Variants in CHRNA7 observed in about 807,000 individuals in gnomAD.
CHRNA7 encodes neuronal acetylcholine receptor subunit alpha-7.
In CHRNA7, 17 loss-of-function variants were observed where a neutral mutation model predicts 48.0. That is an observed-to-expected ratio of 0.35 (90% CI 0.24 to 0.53). The LOEUF (loss-of-function observed/expected upper bound fraction) is 0.53, where lower values mean the gene tolerates loss of function less well. Among genes scored for constraint, CHRNA7 ranks in the 20% least tolerant of loss-of-function variants. The pLI is 0.92. For missense variants in CHRNA7, 155 were observed against 577.7 expected (o/e 0.27, Z 7.50); for synonymous variants, 75 against 242.3 (o/e 0.31, Z 6.41).
chr15:32,124,246 C>G (rs113816219), intron 4 of CHRNA7, among the ~76,000 whole-genome samples: 73 of 152,180 alleles, frequency 4.8e-4, no homozygotes, highest in African/African-American at 1.8e-3. Context: ...TAGCATTGTT[C>G]TTATTTCACA....
intron 1 of CHRNA7, 84 bp downstream of exon 1, chr15:32,030,733 C>T: frequency 9.1e-6 from 14 of 1,530,580 alleles, no homozygotes; most frequent in Non-Finnish European, 1.1e-5. Context: ...CGCGCCTGGG[C>T]CAGGTTTGGG....
At chr15:32,150,609 G>A (rs770220682) in intron 4 of CHRNA7, among the ~76,000 whole-genome samples, 11 of 152,088 alleles carry the variant, frequency 7.2e-5, no homozygotes, top group East Asian at 1.9e-4. Flanking sequence ...TTAACACAAC[G>A]GTAGTCTCTA....
At chr15:32,100,609 G>A (rs1228129010) in intron 2 of CHRNA7, 2 of 154,666 alleles carry the variant, frequency 1.3e-5, no homozygotes, top group African/African-American at 4.8e-5. Context: ...TTTTGGAAAT[G>A]TAGGAAAATA....
chr15:32,124,777 G>A (rs1199844040), intron 4 of CHRNA7, among the ~76,000 whole-genome samples: 1 of 152,134 alleles, frequency 6.6e-6, no homozygotes, highest in East Asian at 1.9e-4. Context: ...GCCTCTAGGA[G>A]GGGATTGGGT....
chr15:32,129,466 C>T (rs2141314290), intron 4 of CHRNA7, among the ~76,000 whole-genome samples: 1 of 151,888 alleles, frequency 6.6e-6, no homozygotes, highest in South Asian at 2.1e-4. Context: ...TATTTATAGC[C>T]TATTGGTTGA....
intron 4 of CHRNA7, 70 bp downstream of exon 4, chr15:32,111,969 A>G (rs1347990176): frequency 2.4e-5 from 23 of 951,154 alleles, no homozygotes; most frequent in Admixed American, 8.5e-5. Flanking sequence ...GTATATTTGA[A>G]TATTTCACAG....
intron 2 of CHRNA7, among the ~76,000 whole-genome samples, chr15:32,039,560 G>T (rs544665718): frequency 6.6e-6 from 1 of 152,032 alleles, no homozygotes; most frequent in South Asian, 2.1e-4. Context: ...ACGTATTTTT[G>T]GATTTTTCAG....
chr15:32,040,671 A>AT (rs2049432710), intron 2 of CHRNA7, among the ~76,000 whole-genome samples: 2 of 151,584 alleles, frequency 1.3e-5, no homozygotes, highest in African/African-American at 4.8e-5. Context: ...AATAAAATAC[A>AT]TTTTTGCTAT....
chr15:32,148,853 G>A (rs1269342144), intron 4 of CHRNA7, among the ~76,000 whole-genome samples: 1 of 152,224 alleles, frequency 6.6e-6, no homozygotes, highest in Non-Finnish European at 1.5e-5. Context: ...ATCCCACCAT[G>A]CCCTCCGCCA....
In CHRNA7 at chr15:32,101,357, G is replaced by C. The variant is rs761613157; in HGVS notation, c.240+10G>C. 1.3e-6 allele frequency: 2 copies of C among 1,581,798 alleles called. No homozygotes were observed. Among genetic ancestry groups the C allele is most frequent in the East Asian group, 2.3e-5 (1 of 43,206 alleles). ...CATTTGGCTGCAAATGGTAAGTTAAGAGAATGACAATCTCTCCCATGGGCT... is the reference window on the plus strand; with the variant it reads ...CATTTGGCTGCAAATGGTAAGTTAACAGAATGACAATCTCTCCCATGGGCT... On this transcript the variant is annotated intron_variant, in intron 3 of 9. Coordinates refer to ENST00000306901, the MANE Select transcript of CHRNA7 (RefSeq NM_000746.6).
chr15:32,101,368 T>C, intron 3 of CHRNA7, 21 bp downstream of exon 3: 1 of 1,575,802 alleles, frequency 6.3e-7, no homozygotes. Flanking sequence ...AGAATGACAA[T>C]CTCTCCCATG....
At chr15:32,076,016 G>A (rs967348747) in intron 2 of CHRNA7, among the ~76,000 whole-genome samples, 2 of 151,516 alleles carry the variant, frequency 1.3e-5, no homozygotes, top group Non-Finnish European at 2.9e-5. Flanking sequence ...TTCTTCCATT[G>A]TTAATTTGAT....
intron 4 of CHRNA7, among the ~76,000 whole-genome samples, chr15:32,121,408 G>A (rs954228433): frequency 6.6e-6 from 1 of 152,210 alleles, no homozygotes; most frequent in East Asian, 1.9e-4. Flanking sequence ...AAATTACTCT[G>A]CTTCACAATT....
At chr15:32,045,978 T>A (rs1475667312) in intron 2 of CHRNA7, among the ~76,000 whole-genome samples, 3 of 150,998 alleles carry the variant, frequency 2.0e-5, no homozygotes, top group Non-Finnish European at 3.0e-5. Flanking sequence ...TTCATCCATG[T>A]CCCTACAAAG....
chr15:32,057,183 G>A (rs2049801263), intron 2 of CHRNA7, among the ~76,000 whole-genome samples: 1 of 152,196 alleles, frequency 6.6e-6, no homozygotes, highest in African/African-American at 2.4e-5. Context: ...AAATTAGGTT[G>A]CCTTTGTTAA....
chr15:32,044,272 C>CTTCCTTCCTTCCTTCT (rs2049500271), intron 2 of CHRNA7, among the ~76,000 whole-genome samples: 1 of 150,598 alleles, frequency 6.6e-6, no homozygotes, highest in East Asian at 2.0e-4. Flanking sequence ...TCCTTCCTTC[C>CTTCCTTCCTTCCTTCT]TTCCTTCCTT....
At chr15:32,058,048 T>C (rs544645556) in intron 2 of CHRNA7, among the ~76,000 whole-genome samples, 2 of 152,326 alleles carry the variant, frequency 1.3e-5, no homozygotes, top group African/African-American at 4.8e-5. Context: ...GAGGCCTTTG[T>C]CTTAGTGATT....
At chr15:32,079,906 C>T (rs1354843363) in intron 2 of CHRNA7, among the ~76,000 whole-genome samples, 1 of 152,146 alleles carries the variant, frequency 6.6e-6, no homozygotes, top group African/African-American at 2.4e-5. Flanking sequence ...AACTATACTA[C>T]AGTGCTACAG....
chr15:32,114,047 TATATATATATATAC>T (rs1270051751), intron 4 of CHRNA7, among the ~76,000 whole-genome samples: 42 of 49,280 alleles, frequency 8.5e-4, no homozygotes, highest in Admixed American at 2.2e-3. Flanking sequence ...TATATATGTA[TATATATATATATAC>T]ATATATATAT....
Sources: gnomAD v4.1 joint callset for allele counts (sites outside exome capture counted in the v4.1 genomes callset) on GRCh38, gnomAD v4.1.1 for gene constraint, MANE v1.5 for transcripts, NCBI Gene and HGNC (gene_info 2026-07-23, HGNC 2026-07-21) for gene names.